Variants in KRT76 observed in about 807,000 individuals in gnomAD.
KRT76 encodes keratin, type II cytoskeletal 2 oral.
Under a neutral mutation model 44.9 loss-of-function variants are expected in KRT76, and 47 were observed. The observed-to-expected ratio is 1.05, with a 90% CI of 0.83 to 1.33. The LOEUF (loss-of-function observed/expected upper bound fraction) is 1.33. Ranked by LOEUF, KRT76 falls within the 40% of genes most tolerant of loss-of-function variation. KRT76 has a pLI of 0.00. For synonymous variants in KRT76, 331 were observed against 294.1 expected (o/e 1.13, Z -1.28); for missense variants, 860 against 775.8 (o/e 1.11, Z -1.29).
rs1939176969 is a variant in KRT76, at chr12:52,771,238, T to G, written c.1264-19A>C. ...TGGCATTCTGAGGTAGAAAATCAAT[T>G]AGCATAGTGACCCGGAAACAAACAC... On this transcript the variant is annotated intron_variant, in intron 6 of 8. Coordinates refer to ENST00000332411, the MANE Select transcript of KRT76 (RefSeq NM_015848.4). 1 of 1,611,540 alleles carries G rather than the reference T, an allele frequency of 6.2e-7. No individual in the cohort carries two copies. Among genetic ancestry groups the G allele is most frequent in the African/African-American group, 1.3e-5 (1 of 74,840 alleles).
In KRT76 at chr12:52,771,144, G is replaced by A. The variant is rs1429500935; in HGVS notation, c.1339C>T (p.Leu447Phe). Reference sequence around the variant, plus strand: ...TGTAGGGCAGTCTGCAAGTCTTGGAGCTTGGCATTGGCGTCCTTGAGGGCC... The same window carrying A: ...TGTAGGGCAGTCTGCAAGTCTTGGAACTTGGCATTGGCGTCCTTGAGGGCC... Reference protein sequence around the residue: ...EMALKDANAKLQDLQTALQKA... With the variant: ...EMALKDANAKFQDLQTALQKA... Residue 447 changes from leucine (L) to phenylalanine (F), a missense_variant, in exon 7 of 9, where the codon CTC (leucine) becomes TTC (phenylalanine). Leu to Phe is a conservative substitution (Grantham distance 22). Coordinates refer to ENST00000332411, the MANE Select transcript of KRT76 (RefSeq NM_015848.4). 14 of 1,614,056 alleles carry A rather than the reference G, an allele frequency of 8.7e-6. No individual in the cohort carries two copies. Among genetic ancestry groups the A allele is most frequent in the Non-Finnish European group, 1.2e-5 (14 of 1,180,044 alleles).
intron 7 of KRT76, 123 bp from the exon 8 acceptor site, chr12:52,769,706 A>G (rs1426134687): frequency 1.3e-6 from 1 of 778,932 alleles, no homozygotes; most frequent in African/African-American, 1.7e-5. Context: ...CTCCTGCAAG[A>G]AGAAAGCCTA....
intron 6 of KRT76, among the ~76,000 whole-genome samples, chr12:52,771,431 C>G (rs1001612626): frequency 2.6e-5 from 4 of 152,164 alleles, no homozygotes; most frequent in African/African-American, 9.7e-5. Flanking sequence ...AAAGGGAGCA[C>G]TAATTTGCTT....
At chr12:52,775,796 T>C (rs1281255982) in intron 1 of KRT76, among the ~76,000 whole-genome samples, 194 bp from the exon 2 acceptor site, 1 of 152,214 alleles carries the variant, frequency 6.6e-6, no homozygotes, top group Non-Finnish European at 1.5e-5. Flanking sequence ...TTACCTGTTA[T>C]TTTCATGTAT....
intron 7 of KRT76, among the ~76,000 whole-genome samples, chr12:52,770,321 G>A (rs1939159948): frequency 6.6e-6 from 1 of 152,222 alleles, no homozygotes; most frequent in Non-Finnish European, 1.5e-5. Context: ...CAGAGGGTTA[G>A]CTACTCCCTG....
At position 52,773,611 on chromosome 12, in the gene KRT76, C is replaced by T. The variant is rs11170271; in HGVS notation, c.847G>A (p.Ala283Thr). 0.24 allele frequency: 388,796 copies of T among 1,610,498 alleles called. 49,421 individuals carry two copies. The highest frequency in any genetic ancestry group is 0.36 in the Middle Eastern group (2,203 of 6,056). Residue 283 changes from alanine (A) to threonine (T), a missense_variant, in exon 3 of 9, where the codon GCA becomes ACA. By Grantham distance (58) the Ala-to-Thr change is moderately conservative. Transcript: ENST00000332411. ...TTGAGCCCCACAAACTCATTCTCTG[C>T]GGCAGTGCGTTTGTTGATTTCATCT... ...YEDEINKRTA[A>T]ENEFVGLKKD...
chr12:52,773,233 C>G (rs763624240), intron 3 of KRT76, among the ~76,000 whole-genome samples: 1 of 152,164 alleles, frequency 6.6e-6, no homozygotes. Flanking sequence ...TTCACTTTTA[C>G]GATGACTGGT....
At position 52,776,871 on chromosome 12, in the gene KRT76, C is replaced by T; in HGVS notation, c.421G>A (p.Gly141Ser). The T allele has an allele frequency of 6.2e-7, 1 of 1,612,476 alleles. No homozygotes were observed. Among genetic ancestry groups the T allele is most frequent in the African/African-American group, 1.3e-5 (1 of 74,960 alleles). The change falls in exon 1 of 9, where the codon GGT becomes AGT. Residue 141 changes from glycine to serine, a missense_variant. By Grantham distance (56) the Gly-to-Ser change is moderately conservative (BLOSUM62 0). Transcript: ENST00000332411. ...CCAGGGCCAAAGCCACCAGGACCAC[C>T]AAAGCTGCCAGGCCCACCAAATACA... Reference protein sequence around the residue: ...PGVFGGPGSFGGPGGFGPGGF... With the variant: ...PGVFGGPGSFSGPGGFGPGGF...
rs765316070 is a variant in KRT76 at position 52,768,717 on chromosome 12, T to C, written c.1913A>G (p.Lys638Arg). 6.3e-7 allele frequency: 1 copy of C among 1,591,110 alleles called. No homozygotes were observed. Among genetic ancestry groups the C allele is most frequent in the Admixed American group, 1.7e-5 (1 of 59,446 alleles). ...TTSSSQHSST[K>R] ...ATAGAGATTTGGAACAGTAGATCAC[T>C]TGGTGGAGCTATGCTGGCTTGAGCT... Residue 638 changes from lysine to arginine, a missense_variant, in exon 9 of 9, where the codon AAG becomes AGG. Coordinates refer to ENST00000332411, the MANE Select transcript of KRT76 (RefSeq NM_015848.4).
At position 52,768,841 on chromosome 12, in the gene KRT76, C is replaced by T. The variant is rs374507793; in HGVS notation, c.1789G>A (p.Gly597Arg). 120 of 1,613,954 alleles carry T rather than the reference C, an allele frequency of 7.4e-5. 1 individual carries two copies. The Admixed American group carries it at 8.3e-4, about 11-fold the overall frequency. ...ATGCTGCCAGAGCTGGAGCCCATTC[C>T]ACTGTGGCTCACGGAGATGCTACCT... ...GAGSISVSHS[G>R]MGSSSGSIQT... The change falls in exon 9 of 9, where the codon GGA becomes AGA. Residue 597 changes from glycine to arginine, a missense_variant. By Grantham distance (125) the Gly-to-Arg change is moderately radical. Transcript: ENST00000332411.
intron 2 of KRT76, among the ~76,000 whole-genome samples, chr12:52,774,865 C>T (rs974155619): frequency 9.2e-5 from 14 of 152,190 alleles, no homozygotes; most frequent in South Asian, 4.1e-4. Context: ...TGGACTGCAA[C>T]TTGGAACGTG....
chr12:52,772,323 C>T, intron 4 of KRT76, 65 bp from the exon 5 acceptor site: 1 of 1,474,158 alleles, frequency 6.8e-7, no homozygotes, highest in Non-Finnish European at 9.2e-7. Flanking sequence ...GAATCCTCTA[C>T]TAGCGGAGAT....
At chr12:52,776,638 A>G in intron 1 of KRT76, 54 bp downstream of exon 1, 1 of 1,612,310 alleles carries the variant, frequency 6.2e-7, no homozygotes, top group Non-Finnish European at 8.5e-7. Flanking sequence ...ATCTTTCTAC[A>G]CCGACCCCTG....
chr12:52,770,344 A>G (rs1309374801), intron 7 of KRT76, among the ~76,000 whole-genome samples: 1 of 152,212 alleles, frequency 6.6e-6, no homozygotes, highest in Non-Finnish European at 1.5e-5. Flanking sequence ...CACATGATGC[A>G]TTGGGCAGAA....
Position 52,771,907 on chromosome 12 carries a change from C to G in KRT76, c.1227G>C (p.Gln409His), listed in dbSNP as rs1441851545. The G allele has an allele frequency of 4.3e-6, 7 of 1,614,032 alleles. No individual in the cohort carries two copies. In the African/African-American group the frequency reaches 9.3e-5, roughly 22 times the overall value. Reference protein sequence around the residue: ...SEIMELNRMIQRLRAEIENVK... With the variant: ...SEIMELNRMIHRLRAEIENVK... ...CATTTTCAATCTCAGCCCGTAGCCT[C>G]TGGATCATCCTGTTGAGCTCCATGA... The change falls in exon 6 of 9, where the codon CAG (glutamine) becomes CAC (histidine). Residue 409 changes from glutamine (Q) to histidine (H), a missense_variant. By Grantham distance (24) the Gln-to-His change is conservative. Coordinates refer to ENST00000332411, the MANE Select transcript of KRT76 (RefSeq NM_015848.4).
intron 8 of KRT76, 97 bp from the exon 9 acceptor site, chr12:52,769,207 G>C (rs73310886): frequency 1.6e-6 from 1 of 618,672 alleles, no homozygotes; most frequent in Non-Finnish European, 3.0e-6. Context: ...ATGTGACTTC[G>C]AGAAAGATGC....
At chr12:52,771,813 C>A in intron 6 of KRT76, 58 bp downstream of exon 6, 2 of 1,574,338 alleles carry the variant, frequency 1.3e-6, no homozygotes, top group South Asian at 1.2e-5. Context: ...AGAGCTTATG[C>A]TGCTTCTCTC....
intron 2 of KRT76, among the ~76,000 whole-genome samples, chr12:52,775,176 G>C (rs1261774624): frequency 6.6e-6 from 1 of 152,164 alleles, no homozygotes; most frequent in Non-Finnish European, 1.5e-5. Context: ...GAATAGGAGG[G>C]GGCCCATCTG....
Position 52,772,203 on chromosome 12 carries a change from T to G in KRT76, c.1028A>C (p.Asp343Ala). 1 of 1,613,156 alleles carries G rather than the reference T, an allele frequency of 6.2e-7. No individual in the cohort carries two copies. Among genetic ancestry groups the G allele is most frequent in the Non-Finnish European group, 8.5e-7 (1 of 1,179,486 alleles). ...ASDTSVVLSM[D>A]NNRCLDLGSI... is the part of the protein sequence containing the mutation. The stretch of plus-strand genomic sequence containing the variant: ...GCCCAGGTCCAGGCAGCGGTTGTTG[T>G]CCATGGACAGAACCACAGACGTGTC... Residue 343 changes from aspartate (D) to alanine (A), a missense_variant, in exon 5 of 9, where the codon GAC becomes GCC. Transcript: ENST00000332411.
Sources: allele counts gnomAD v4.1 joint callset (sites outside exome capture counted in the v4.1 genomes callset), GRCh38; gene constraint gnomAD v4.1.1; transcripts MANE v1.5; gene names NCBI Gene and HGNC (gene_info 2026-07-23, HGNC 2026-07-21).